The following RNFT2 variants were observed in gnomAD, a reference collection of about 807,000 sequenced individuals.
RNFT2 encodes the protein E3 ubiquitin-protein ligase RNFT2.
Under a neutral mutation model 53.0 loss-of-function variants are expected in RNFT2, and 36 were observed. The ratio of observed to expected loss-of-function variants is 0.68; its 90% CI spans 0.52 to 0.90. The LOEUF (loss-of-function observed/expected upper bound fraction) is 0.90. Ranked by LOEUF, RNFT2 falls within the 40% of genes least tolerant of loss-of-function variation. RNFT2 has a pLI of 0.00. For synonymous variants in RNFT2, 260 were observed against 253.2 expected (o/e 1.03, Z -0.26); for missense variants, 514 against 585.6 (o/e 0.88, Z 1.26).
chr12:116,769,887 T>G (rs1001576480), intron 6 of RNFT2, among the ~76,000 whole-genome samples: 3 of 151,942 alleles, frequency 2.0e-5, no homozygotes, highest in African/African-American at 7.2e-5. Context: ...ATACCAAAAT[T>G]AGCCAGGTGT....
intron 7 of RNFT2, among the ~76,000 whole-genome samples, chr12:116,791,148 T>C (rs1201072065): frequency 6.6e-6 from 1 of 152,184 alleles, no homozygotes; most frequent in Non-Finnish European, 1.5e-5. Flanking sequence ...TCCCACAAGC[T>C]CCTGGCAACT....
At chr12:116,844,161 G>A (rs188625049) in intron 10 of RNFT2, among the ~76,000 whole-genome samples, 68 of 152,178 alleles carry the variant, frequency 4.5e-4, no homozygotes, top group Admixed American at 3.9e-3. Flanking sequence ...AGGCTGCATC[G>A]CCTGCGAGGA....
intron 1 of RNFT2, among the ~76,000 whole-genome samples, chr12:116,739,216 G>A (rs796996479): frequency 1.3e-5 from 2 of 152,182 alleles, no homozygotes; most frequent in Admixed American, 6.5e-5. Context: ...AGATATTCAC[G>A]GAGGCTAAAC....
At chr12:116,798,004 G>C (rs1302332445) in intron 7 of RNFT2, among the ~76,000 whole-genome samples, 1 of 152,134 alleles carries the variant, frequency 6.6e-6, no homozygotes, top group Non-Finnish European at 1.5e-5. Context: ...CCCTGTTCTA[G>C]CTAGCTCTCA....
At chr12:116,822,035 G>A (rs574803941) in intron 7 of RNFT2, among the ~76,000 whole-genome samples, 22 of 151,848 alleles carry the variant, frequency 1.4e-4, no homozygotes, top group African/African-American at 4.6e-4. Context: ...GGATTTCACC[G>A]TGTTGGCCAG....
intron 3 of RNFT2, chr12:116,748,851 A>G: frequency 9.1e-6 from 2 of 219,956 alleles, no homozygotes; most frequent in South Asian, 8.6e-5. Context: ...CCCCTGCTCC[A>G]TCCCTTACCA....
At chr12:116,753,384 C>T (rs1592939283) in intron 4 of RNFT2, among the ~76,000 whole-genome samples, 2 of 152,126 alleles carry the variant, frequency 1.3e-5, no homozygotes, top group Admixed American at 6.6e-5. Flanking sequence ...CTCCTGGCCT[C>T]AAGTGATCTG....
chr12:116,809,355 C>T (rs1875249464), intron 7 of RNFT2, among the ~76,000 whole-genome samples: 1 of 152,152 alleles, frequency 6.6e-6, no homozygotes, highest in South Asian at 2.1e-4. Flanking sequence ...CCTTCCACTT[C>T]GTTGTGAGGT....
In RNFT2 at chr12:116,753,781, G is replaced by C. The variant is rs182558654; in HGVS notation, c.551-203G>C. The stretch of plus-strand genomic sequence containing the variant: ...GTATCCCCACAGGGACCTAAATCCT[G>C]TCCCTAAGTCAGAATGGCTCAGAAT... On this transcript the variant is annotated intron_variant, in intron 4 of 10. Coordinates refer to ENST00000257575, the MANE Select transcript of RNFT2 (RefSeq NM_001382266.1). Among the ~76,000 whole-genome samples, 6 of 152,270 alleles carry C rather than the reference G, an allele frequency of 3.9e-5. No individual in the cohort carries two copies. In the East Asian group the frequency reaches 1.2e-3, roughly 29 times the overall value.
chr12:116,791,050 AACC>A lies in RNFT2; in HGVS notation c.882+11709_882+11711del, dbSNP rs557955936. Among the ~76,000 whole-genome samples, 98 of 152,364 alleles carry A rather than the reference AACC, an allele frequency of 6.4e-4. 1 individual carries two copies. Among genetic ancestry groups the A allele is most frequent in the African/African-American group, 2.3e-3 (94 of 41,598 alleles). On this transcript the variant is annotated intron_variant, in intron 7 of 10. Coordinates refer to ENST00000257575, the MANE Select transcript of RNFT2 (RefSeq NM_001382266.1). Reference sequence around the variant, plus strand: ...GTTTAGTACATTCACAGTGTTGTACAACCACCACCTCTGTCTAGTTCCAAGACA... The same window carrying A: ...GTTTAGTACATTCACAGTGTTGTACAACCACCTCTGTCTAGTTCCAAGACA...
chr12:116,780,556 C>T (rs1173270922), intron 7 of RNFT2, among the ~76,000 whole-genome samples: 2 of 151,954 alleles, frequency 1.3e-5, no homozygotes, highest in African/African-American at 4.8e-5. Flanking sequence ...TCTTCAGCCC[C>T]AGGACCCCTG....
chr12:116,807,401 T>C (rs572950567), intron 7 of RNFT2, among the ~76,000 whole-genome samples: 9 of 152,332 alleles, frequency 5.9e-5, no homozygotes, highest in Middle Eastern at 3.4e-3. Context: ...TCCCTAGTAC[T>C]GGTCTAAATG....
intron 7 of RNFT2, among the ~76,000 whole-genome samples, chr12:116,821,556 G>A (rs1344878465): frequency 6.6e-6 from 1 of 152,206 alleles, no homozygotes. Context: ...TTGGGAGCAG[G>A]ACTTGTGGCC....
chr12:116,798,765 G>A (rs577671634), intron 7 of RNFT2, among the ~76,000 whole-genome samples: 21 of 151,968 alleles, frequency 1.4e-4, no homozygotes, highest in African/African-American at 4.8e-4. Flanking sequence ...TGGTAGAGAC[G>A]GGGTTTCACC....
chr12:116,838,598 A>G (rs1472356236), intron 10 of RNFT2, among the ~76,000 whole-genome samples: 1 of 152,192 alleles, frequency 6.6e-6, no homozygotes, highest in African/African-American at 2.4e-5. Context: ...CAGGTGACAA[A>G]CGGTATCTCA....
chr12:116,839,928 C>T (rs1381473088), intron 10 of RNFT2, among the ~76,000 whole-genome samples: 1 of 152,184 alleles, frequency 6.6e-6, no homozygotes. Flanking sequence ...TGGGCAGACA[C>T]TGAGCATGTC....
chr12:116,816,910 T>G (rs1490866830), intron 7 of RNFT2, among the ~76,000 whole-genome samples: 1 of 152,132 alleles, frequency 6.6e-6, no homozygotes, highest in Non-Finnish European at 1.5e-5. Context: ...GTATATCTCC[T>G]GGGTTCCATC....
chr12:116,800,033 G>T (rs1247186580), intron 7 of RNFT2, among the ~76,000 whole-genome samples: 1 of 152,080 alleles, frequency 6.6e-6, no homozygotes, highest in Non-Finnish European at 1.5e-5. Flanking sequence ...AAAGAGCCTG[G>T]CATCTCTTTT....
chr12:116,802,062 T>A (rs939213414), intron 7 of RNFT2, among the ~76,000 whole-genome samples: 8 of 152,208 alleles, frequency 5.3e-5, no homozygotes, highest in Non-Finnish European at 1.0e-4. Context: ...CCTCAAGTGA[T>A]CCACCTGCCT....
Sources: gnomAD v4.1 joint callset for allele counts (sites outside exome capture counted in the v4.1 genomes callset) on GRCh38, gnomAD v4.1.1 for gene constraint, MANE v1.5 for transcripts, NCBI Gene and HGNC (gene_info 2026-07-23, HGNC 2026-07-21) for gene names.